SIPA1L2: variants seen among roughly 807,000 people sequenced by gnomAD.
The protein encoded by SIPA1L2 is signal-induced proliferation-associated 1-like protein 2.
SIPA1L2 carries 56 observed loss-of-function variants against 163.9 expected under a neutral mutation model. That is an observed-to-expected ratio of 0.34 (90% confidence interval 0.28 to 0.43). SIPA1L2 has a LOEUF of 0.43. SIPA1L2 is among the 20% of genes least tolerant of loss of function. The probability of loss-of-function intolerance (pLI) is 1.00; values close to 1 mark genes in which losing one functional copy is unlikely to be tolerated. For synonymous variants in SIPA1L2, 877 were observed against 865.7 expected, an observed-to-expected ratio of 1.01 and a Z score of -0.23; for missense variants, 1,974 against 2,193.5, an observed-to-expected ratio of 0.90 and a Z score of 2.00.
At chr1:232,584,339 C>T (rs1364388472) in intron 1 of SIPA1L2, among the ~76,000 whole-genome samples, 1 of 152,182 alleles carries the variant, frequency 6.6e-6, no homozygotes, top group Non-Finnish European at 1.5e-5. Flanking sequence ...ATTCTCCTGC[C>T]TCAGCCTCCC....
At chr1:232,588,618 T>G (rs1411913404) in intron 1 of SIPA1L2, among the ~76,000 whole-genome samples, 1 of 152,200 alleles carries the variant, frequency 6.6e-6, no homozygotes, top group African/African-American at 2.4e-5. Flanking sequence ...TAGTGTTATA[T>G]CAAAGAAGAT....
At chr1:232,612,824 A>G (rs562295226) in intron 1 of SIPA1L2, among the ~76,000 whole-genome samples, 20 of 152,010 alleles carry the variant, frequency 1.3e-4, no homozygotes, top group Middle Eastern at 3.2e-3. Context: ...TTGGTTTTGA[A>G]ACGTCAGGAC....
At position 232,439,290 on chromosome 1, in the gene SIPA1L2, C is replaced by A. The variant is rs1463368727; in HGVS notation, c.3849G>T (p.Leu1283=). Residue 1283 remains leucine, a synonymous_variant, in exon 15 of 23, where the codon CTG becomes CTT. Transcript: ENST00000674635. ...TGTGGATCAGGGACCTGCTGCCTGC[C>A]AGGTGCACAGGGCCGAGGATGGTGG... ...MPATILGPVH[L]AGSRSLIHSR... is the part of the protein sequence containing the mutation. The A allele has an allele frequency of 1.2e-6, 2 of 1,614,152 alleles. No homozygotes were observed. The highest frequency in any genetic ancestry group is 2.7e-5 in the African/African-American group (2 of 75,072).
intron 9 of SIPA1L2, among the ~76,000 whole-genome samples, chr1:232,464,417 GC>G (rs1664401205): frequency 6.6e-6 from 1 of 152,116 alleles, no homozygotes; most frequent in East Asian, 1.9e-4. Flanking sequence ...AACAAAAATA[GC>G]TGCTGTATAA....
chr1:232,524,623 G>A (rs575181394), intron 2 of SIPA1L2, among the ~76,000 whole-genome samples: 1 of 152,224 alleles, frequency 6.6e-6, no homozygotes, highest in Non-Finnish European at 1.5e-5. Flanking sequence ...TTAACAGTCA[G>A]TGATCAGGGA....
chr1:232,529,484 G>C (rs1029706671), intron 2 of SIPA1L2, among the ~76,000 whole-genome samples: 1 of 152,242 alleles, frequency 6.6e-6, no homozygotes, highest in Non-Finnish European at 1.5e-5. Context: ...CTCCTGGCTT[G>C]GCGGAGGCCA....
chr1:232,602,394 C>T (rs553597836), intron 1 of SIPA1L2, among the ~76,000 whole-genome samples: 5 of 152,214 alleles, frequency 3.3e-5, no homozygotes, highest in Admixed American at 1.3e-4. Flanking sequence ...TGCAGTAGTG[C>T]GATCCTGGCT....
intron 22 of SIPA1L2, among the ~76,000 whole-genome samples, chr1:232,401,529 ATC>A (rs1027623018): frequency 4.6e-5 from 7 of 152,266 alleles, no homozygotes; most frequent in Admixed American, 1.3e-4. Flanking sequence ...ATTTGCCAAC[ATC>A]TCTGTCTGGA....
chr1:232,558,740 T>C (rs1658867191), intron 2 of SIPA1L2, among the ~76,000 whole-genome samples: 1 of 152,182 alleles, frequency 6.6e-6, no homozygotes, highest in East Asian at 1.9e-4. Context: ...TCCTAAATCT[T>C]CGTTTTTATG....
intron 2 of SIPA1L2, chr1:232,561,654 T>C (rs1034141760): frequency 1.3e-5 from 2 of 152,108 alleles, no homozygotes; most frequent in Non-Finnish European, 1.5e-5. Flanking sequence ...ATTCTACAGA[T>C]AGAAAACAAA....
chr1:232,447,654 TG>T (rs1466435405), intron 10 of SIPA1L2, among the ~76,000 whole-genome samples: 2 of 152,210 alleles, frequency 1.3e-5, no homozygotes, highest in African/African-American at 4.8e-5. Flanking sequence ...ACAACCAGGA[TG>T]GATCAGTATG....
intron 1 of SIPA1L2, among the ~76,000 whole-genome samples, chr1:232,600,679 G>A (rs915514002): frequency 6.6e-6 from 1 of 152,178 alleles, no homozygotes; most frequent in Admixed American, 6.5e-5. Flanking sequence ...TCTAGCTGGG[G>A]AACAATGGTC....
rs138877898 is a variant in SIPA1L2 at position 232,434,997 on chromosome 1, A to G, written c.4032-2526T>C. ...ACATGCTAGTTTCCCCATTGTCCCA[A>G]TAAGGCTTATGGCCTTAGTTTCCCC... is the stretch of plus-strand genomic sequence containing the variant. On this transcript the variant is annotated intron_variant, in intron 15 of 22. Coordinates refer to ENST00000674635, the MANE Select transcript of SIPA1L2 (RefSeq NM_020808.5). Among the ~76,000 whole-genome samples the G allele has an allele frequency of 8.7e-4, 133 of 152,274 alleles. 1 individual carries two copies. Among genetic ancestry groups the G allele is most frequent in the South Asian group, 3.5e-3 (17 of 4,820 alleles).
chr1:232,471,332 A>C, intron 8 of SIPA1L2, 39 bp downstream of exon 8: 1 of 1,569,876 alleles, frequency 6.4e-7, no homozygotes, highest in Non-Finnish European at 8.6e-7. Context: ...CTGTTGAAAT[A>C]AACCTGGGAG....
At chr1:232,508,125 ACACGCGCTC>A (rs1309715843) in intron 3 of SIPA1L2, among the ~76,000 whole-genome samples, 1 of 152,190 alleles carries the variant, frequency 6.6e-6, no homozygotes, top group African/African-American at 2.4e-5. Flanking sequence ...ATTCAGAGGA[ACACGCGCTC>A]CTGTGCCAGC....
intron 2 of SIPA1L2, among the ~76,000 whole-genome samples, chr1:232,522,072 C>T (rs1236623728): frequency 6.6e-6 from 1 of 152,168 alleles, no homozygotes; most frequent in Non-Finnish European, 1.5e-5. Context: ...AGCCCACATT[C>T]AATCCTGCCC....
Position 232,402,570 on chromosome 1 carries a change from G to C in SIPA1L2, c.4941-97C>G, listed in dbSNP as rs924870536. The C allele has an allele frequency of 2.5e-5, 24 of 948,364 alleles. No individual in the cohort carries two copies. In the African/African-American group the frequency reaches 3.5e-4, roughly 14 times the overall value. The allele number at this position is 948,364 out of a possible 1,614,324, so 58.7% of individuals were successfully genotyped here. A position where few individuals can be genotyped will look rare whatever the true frequency, so the allele number is the denominator to read the frequency against. On this transcript the variant is annotated intron_variant, in intron 21 of 22. Transcript: ENST00000674635. ...TCGAAAAAATTATTTCATGTGCTTA[G>C]AGCCCAGCAAGCAGATATATTATAT... is the stretch of plus-strand genomic sequence containing the variant.
At chr1:232,441,908 G>A (rs776005069) in intron 12 of SIPA1L2, 40 bp from the exon 13 acceptor site, 73 of 1,546,900 alleles carry the variant, frequency 4.7e-5, no homozygotes, top group South Asian at 1.4e-4. Flanking sequence ...TTTCTCAACC[G>A]TGCCACCTGC....
intron 22 of SIPA1L2, among the ~76,000 whole-genome samples, chr1:232,402,170 C>CA (rs756049406): frequency 2.0e-5 from 3 of 152,228 alleles, no homozygotes; most frequent in Non-Finnish European, 4.4e-5. Flanking sequence ...GGCTCATCCT[C>CA]ATTTACTCAT....
Sources: allele counts gnomAD v4.1 joint callset (sites outside exome capture counted in the v4.1 genomes callset), GRCh38; gene constraint gnomAD v4.1.1; transcripts MANE v1.5; gene names NCBI Gene and HGNC (gene_info 2026-07-23, HGNC 2026-07-21).